LRRC4C: variants seen among roughly 807,000 people sequenced by gnomAD.
The protein encoded by LRRC4C is leucine rich repeat containing 4C, also known as leucine-rich repeat-containing protein 4C.
In LRRC4C, 5 loss-of-function variants were observed where a neutral mutation model predicts 33.6. That is an observed-to-expected ratio of 0.15 (90% confidence interval 0.08 to 0.31). LRRC4C has a LOEUF of 0.31. LRRC4C is among the 10% of genes least tolerant of loss of function. The probability of loss-of-function intolerance (pLI) is 1.00; values close to 1 mark genes in which losing one functional copy is unlikely to be tolerated. For synonymous variants in LRRC4C, 329 were observed against 302.0 expected, an observed-to-expected ratio of 1.09 and a Z score of -0.93; for missense variants, 560 against 796.7, an observed-to-expected ratio of 0.70 and a Z score of 3.58.
At chr11:41,427,017 G>C (rs149657163) in intron 1 of LRRC4C, among the ~76,000 whole-genome samples, 2 of 152,152 alleles carry the variant, frequency 1.3e-5, no homozygotes, top group African/African-American at 4.8e-5. Context: ...GCAATTTACA[G>C]AACCAATTTG....
intron 2 of LRRC4C, among the ~76,000 whole-genome samples, chr11:40,788,681 C>G (rs1950508861): frequency 6.6e-6 from 1 of 152,126 alleles, no homozygotes; most frequent in Non-Finnish European, 1.5e-5. Flanking sequence ...ACATTTTTAA[C>G]AAAATCATTT....
intron 1 of LRRC4C, among the ~76,000 whole-genome samples, chr11:41,129,188 T>A (rs938923216): frequency 6.6e-6 from 1 of 151,920 alleles, no homozygotes; most frequent in African/African-American, 2.4e-5. Context: ...AAAAGAAAAC[T>A]TTTTTATAAT....
In LRRC4C at chr11:41,139,538, T is replaced by A. The variant is rs1317551469; in HGVS notation, c.-495-205815A>T. 3.3e-5 allele frequency among the ~76,000 whole-genome samples: 5 copies of A among 152,048 alleles called. 1 individual carries two copies. Among genetic ancestry groups the A allele is most frequent in the Non-Finnish European group, 7.4e-5 (5 of 67,988 alleles). ...TAAATGGCAAGTGAGAAAGCGTAAA[T>A]TTAGGAGAAAACTAGAATAGACCTC... On this transcript the variant is annotated intron_variant, in intron 1 of 6. Coordinates refer to ENST00000528697, the MANE Select transcript of LRRC4C (RefSeq NM_001258419.2).
intron 3 of LRRC4C, among the ~76,000 whole-genome samples, chr11:40,350,055 G>C (rs183001032): frequency 6.6e-6 from 1 of 152,166 alleles, no homozygotes; most frequent in East Asian, 1.9e-4. Flanking sequence ...TCTTCAATCT[G>C]ATGATTGTTT....
At chr11:40,398,960 C>T (rs761946396) in intron 3 of LRRC4C, among the ~76,000 whole-genome samples, 1 of 152,082 alleles carries the variant, frequency 6.6e-6, no homozygotes, top group Non-Finnish European at 1.5e-5. Context: ...TGAACTTTTA[C>T]TCTTTTAGAT....
chr11:40,733,724 T>A (rs1947721352), intron 2 of LRRC4C, among the ~76,000 whole-genome samples: 1 of 152,154 alleles, frequency 6.6e-6, no homozygotes, highest in Non-Finnish European at 1.5e-5. Context: ...AGCGACCTTT[T>A]AAAATAGATC....
At chr11:40,705,839 C>G (rs1368653077) in intron 2 of LRRC4C, among the ~76,000 whole-genome samples, 2 of 152,034 alleles carry the variant, frequency 1.3e-5, no homozygotes, top group Non-Finnish European at 2.9e-5. Context: ...AAAAGTGTTC[C>G]TATTTCTCCA....
intron 2 of LRRC4C, among the ~76,000 whole-genome samples, chr11:40,733,995 A>G (rs1947733966): frequency 6.6e-6 from 1 of 152,176 alleles, no homozygotes; most frequent in Non-Finnish European, 1.5e-5. Context: ...AAAGATGCCC[A>G]TGCTTTCCCT....
intron 3 of LRRC4C, among the ~76,000 whole-genome samples, chr11:40,638,630 T>C (rs551718547): frequency 1.3e-5 from 2 of 152,286 alleles, no homozygotes; most frequent in African/African-American, 2.4e-5. Flanking sequence ...CTTAATTAAA[T>C]GGAGGAAGTT....
At chr11:41,020,269 G>A (rs1855870616) in intron 1 of LRRC4C, among the ~76,000 whole-genome samples, 1 of 152,064 alleles carries the variant, frequency 6.6e-6, no homozygotes, top group African/African-American at 2.4e-5. Context: ...ATTTTCTCAT[G>A]AGGACTTATG....
At chr11:41,232,715 G>A (rs1436579463) in intron 1 of LRRC4C, among the ~76,000 whole-genome samples, 2 of 149,890 alleles carry the variant, frequency 1.3e-5, no homozygotes, top group African/African-American at 2.5e-5. Context: ...GAGAGATAAA[G>A]TTCAAATAAT....
intron 5 of LRRC4C, among the ~76,000 whole-genome samples, chr11:40,185,445 C>T (rs533205931): frequency 1.2e-4 from 18 of 152,178 alleles, no homozygotes; most frequent in South Asian, 4.2e-4. Flanking sequence ...CAGGGACTGA[C>T]GCTGCACCAT....
chr11:40,622,942 A>C (rs1962593321), intron 3 of LRRC4C, among the ~76,000 whole-genome samples: 1 of 151,700 alleles, frequency 6.6e-6, no homozygotes. Context: ...CTAACATTAA[A>C]ATGTATCTAC....
intron 1 of LRRC4C, among the ~76,000 whole-genome samples, chr11:40,950,211 C>T (rs1446992833): frequency 6.6e-6 from 1 of 151,708 alleles, no homozygotes; most frequent in Non-Finnish European, 1.5e-5. Flanking sequence ...AAGCTCTAAA[C>T]TTCTATAATC....
At chr11:41,442,431 A>G (rs1955650669) in intron 1 of LRRC4C, among the ~76,000 whole-genome samples, 2 of 143,560 alleles carry the variant, frequency 1.4e-5, no homozygotes, top group African/African-American at 5.1e-5. Flanking sequence ...AATTCAAGAC[A>G]CAGTTCTCTC....
chr11:40,851,307 C>A (rs1441883668), intron 2 of LRRC4C, among the ~76,000 whole-genome samples: 1 of 152,108 alleles, frequency 6.6e-6, no homozygotes, highest in Non-Finnish European at 1.5e-5. Flanking sequence ...GTTGTGAAGA[C>A]CATGGGAAAG....
At chr11:40,161,343 T>G (rs1859137973) in intron 5 of LRRC4C, among the ~76,000 whole-genome samples, 1 of 152,232 alleles carries the variant, frequency 6.6e-6, no homozygotes, top group Admixed American at 6.5e-5. Flanking sequence ...CTCCCAAATG[T>G]ATACACAAAT....
At position 40,501,615 on chromosome 11, in the gene LRRC4C, G is replaced by A. The variant is rs185915348; in HGVS notation, c.-270+146527C>T. 1.2e-4 allele frequency among the ~76,000 whole-genome samples: 19 copies of A among 152,222 alleles called. 1 individual carries two copies. In the East Asian group the frequency reaches 3.7e-3, roughly 30 times the overall value. Reference sequence around the variant, plus strand: ...CTGATCTGTACCTTGGCTCTTTTTAGTCATCCCTGGAGTGGCTGGGAAGCA... The same window carrying A: ...CTGATCTGTACCTTGGCTCTTTTTAATCATCCCTGGAGTGGCTGGGAAGCA... On this transcript the variant is annotated intron_variant, in intron 3 of 6. Transcript: ENST00000528697.
intron 2 of LRRC4C, among the ~76,000 whole-genome samples, chr11:40,743,950 TA>T (rs1206745586): frequency 6.6e-6 from 1 of 152,156 alleles, no homozygotes; most frequent in African/African-American, 2.4e-5. Context: ...TTGTAACTTC[TA>T]TTTTTCCTTC....
Sources: allele counts gnomAD v4.1 joint callset (sites outside exome capture counted in the v4.1 genomes callset), GRCh38; gene constraint gnomAD v4.1.1; transcripts MANE v1.5; gene names NCBI Gene and HGNC (gene_info 2026-07-23, HGNC 2026-07-21).